The following PTPRG variants were observed in gnomAD, a reference collection of about 807,000 sequenced individuals.
The protein encoded by PTPRG is protein tyrosine phosphatase receptor type G, also known as receptor-type tyrosine-protein phosphatase gamma.
PTPRG carries 102 observed loss-of-function variants against 165.3 expected under a neutral mutation model. That is an observed-to-expected ratio of 0.62 (90% confidence interval 0.53 to 0.73). The LOEUF (loss-of-function observed/expected upper bound fraction) is 0.73, where lower values mean the gene tolerates loss of function less well. Among genes scored for constraint, PTPRG ranks in the 30% least tolerant of loss-of-function variants. PTPRG has a pLI of 0.00. For synonymous variants in PTPRG, 675 were observed against 669.5 expected, an observed-to-expected ratio of 1.01 and a Z score of -0.13; for missense variants, 1,866 against 1,861.4, an observed-to-expected ratio of 1.00 and a Z score of -0.05.
chr3:62,065,850 C>T (rs1700994441), intron 4 of PTPRG, among the ~76,000 whole-genome samples: 1 of 152,122 alleles, frequency 6.6e-6, no homozygotes, highest in Admixed American at 6.5e-5. Context: ...ACCCAGCTAA[C>T]CTTAAAAATA....
intron 2 of PTPRG, among the ~76,000 whole-genome samples, chr3:61,934,766 A>C (rs966384774): frequency 6.6e-6 from 1 of 152,120 alleles, no homozygotes; most frequent in African/African-American, 2.4e-5. Context: ...ATGTAGTCTT[A>C]AACTTGGGTG....
chr3:62,064,518 C>A (rs1466785398), intron 4 of PTPRG, among the ~76,000 whole-genome samples: 2 of 152,058 alleles, frequency 1.3e-5, no homozygotes. Flanking sequence ...GTAGGTTCTA[C>A]CATTCTCCTA....
chr3:61,650,773 ATTGT>A (rs2106982384), intron 1 of PTPRG, among the ~76,000 whole-genome samples: 1 of 152,312 alleles, frequency 6.6e-6, no homozygotes, highest in Non-Finnish European at 1.5e-5. Context: ...CAAACACTTA[ATTGT>A]TTAACTCTCG....
intron 1 of PTPRG, among the ~76,000 whole-genome samples, chr3:61,652,059 C>T (rs1702368996): frequency 1.3e-5 from 2 of 151,634 alleles, no homozygotes; most frequent in South Asian, 2.1e-4. Flanking sequence ...CCTGTAATCC[C>T]AGCATTTTGG....
At chr3:62,093,585 G>A (rs1702014798) in intron 5 of PTPRG, among the ~76,000 whole-genome samples, 1 of 152,192 alleles carries the variant, frequency 6.6e-6, no homozygotes, top group South Asian at 2.1e-4. Context: ...TGGCACCAGA[G>A]GACGGTATAC....
At chr3:62,152,679 A>T (rs1382319531) in intron 6 of PTPRG, among the ~76,000 whole-genome samples, 1 of 152,238 alleles carries the variant, frequency 6.6e-6, no homozygotes, top group Admixed American at 6.5e-5. Flanking sequence ...GATGGGGGAA[A>T]AAGTCGAGAG....
chr3:62,223,019 C>T (rs1159404878), intron 13 of PTPRG, among the ~76,000 whole-genome samples: 1 of 152,084 alleles, frequency 6.6e-6, no homozygotes, highest in African/African-American at 2.4e-5. Context: ...CCTTGAACCA[C>T]AACCAGCTGT....
At chr3:61,696,804 G>A (rs554631017) in intron 1 of PTPRG, among the ~76,000 whole-genome samples, 1 of 152,146 alleles carries the variant, frequency 6.6e-6, no homozygotes. Context: ...CTTACCATAC[G>A]TATTTTTCAT....
At chr3:62,167,464 A>G (rs1214139723) in intron 7 of PTPRG, among the ~76,000 whole-genome samples, 3 of 152,206 alleles carry the variant, frequency 2.0e-5, no homozygotes, top group African/African-American at 4.8e-5. Flanking sequence ...AAAATTGACA[A>G]AAATCCTTTT....
intron 28 of PTPRG, among the ~76,000 whole-genome samples, chr3:62,289,868 C>CCTAT (rs1362871559): frequency 6.6e-6 from 1 of 151,910 alleles, no homozygotes; most frequent in Non-Finnish European, 1.5e-5. Flanking sequence ...AGCACGTAAG[C>CCTAT]CTATCTAGGT....
intron 2 of PTPRG, among the ~76,000 whole-genome samples, chr3:61,894,216 T>G (rs1423161077): frequency 7.1e-6 from 1 of 141,704 alleles, no homozygotes; most frequent in Non-Finnish European, 1.5e-5. Flanking sequence ...GCGAAAGAAT[T>G]GCTTGAACCT....
At chr3:62,057,774 G>A (rs894983701) in intron 4 of PTPRG, among the ~76,000 whole-genome samples, 2 of 152,132 alleles carry the variant, frequency 1.3e-5, no homozygotes, top group Non-Finnish European at 2.9e-5. Flanking sequence ...TAATGCCCAA[G>A]AACTCCAAAT....
intron 5 of PTPRG, among the ~76,000 whole-genome samples, chr3:62,111,939 G>T (rs1702682305): frequency 6.6e-6 from 1 of 152,052 alleles, no homozygotes; most frequent in Non-Finnish European, 1.5e-5. Flanking sequence ...TTTTGTTTTG[G>T]TGTTCTCTGC....
At chr3:61,889,818 T>A (rs2038158730) in intron 2 of PTPRG, among the ~76,000 whole-genome samples, 4 of 152,220 alleles carry the variant, frequency 2.6e-5, no homozygotes, top group Admixed American at 2.0e-4. Context: ...GTTATTTTAA[T>A]GTTTAGCTTA....
intron 1 of PTPRG, among the ~76,000 whole-genome samples, chr3:61,624,093 T>A (rs1399950315): frequency 6.6e-6 from 1 of 152,048 alleles, no homozygotes; most frequent in Non-Finnish European, 1.5e-5. Context: ...ACCCACCCCT[T>A]GATAAAGGTT....
chr3:62,126,037 G>T (rs577279322), intron 5 of PTPRG, among the ~76,000 whole-genome samples: 7 of 152,176 alleles, frequency 4.6e-5, no homozygotes, highest in Non-Finnish European at 8.8e-5. Flanking sequence ...GAAATGGCGT[G>T]TTGAGAGAAT....
At chr3:61,627,703 G>C (rs1446402946) in intron 1 of PTPRG, among the ~76,000 whole-genome samples, 1 of 152,134 alleles carries the variant, frequency 6.6e-6, no homozygotes, top group Non-Finnish European at 1.5e-5. Flanking sequence ...ATTTTAGAAT[G>C]CTTTTGTAGG....
intron 5 of PTPRG, among the ~76,000 whole-genome samples, chr3:62,087,617 A>G (rs1382972646): frequency 6.6e-6 from 1 of 152,178 alleles, no homozygotes; most frequent in Non-Finnish European, 1.5e-5. Flanking sequence ...TTTTCAGTAT[A>G]AATTACTCAA....
At chr3:62,065,010 G>T (rs1416818890) in intron 4 of PTPRG, among the ~76,000 whole-genome samples, 2 of 152,072 alleles carry the variant, frequency 1.3e-5, no homozygotes, top group African/African-American at 2.4e-5. Context: ...GAGATTATAG[G>T]TGTGAGCCAC....
Sources: allele counts gnomAD v4.1 joint callset (sites outside exome capture counted in the v4.1 genomes callset), GRCh38; gene constraint gnomAD v4.1.1; transcripts MANE v1.5; gene names NCBI Gene and HGNC (gene_info 2026-07-23, HGNC 2026-07-21).